STXBP5L: variants seen among roughly 807,000 people sequenced by gnomAD.
The protein encoded by STXBP5L is syntaxin-binding protein 5-like.
STXBP5L carries 65 observed loss-of-function variants against 144.5 expected under a neutral mutation model. That is an observed-to-expected ratio of 0.45 (90% confidence interval 0.37 to 0.55). The LOEUF is 0.55. Among genes scored for constraint, STXBP5L ranks in the 20% least tolerant of loss-of-function variants. The pLI is 0.00. For missense variants in STXBP5L, 1,298 were observed against 1,405.5 expected (o/e 0.92, Z 1.22); for synonymous variants, 505 against 469.6 (o/e 1.08, Z -0.97).
rs193075838 is a variant in STXBP5L at position 121,035,631 on chromosome 3, G to T, written c.288-6069G>T. 2.4e-3 allele frequency among the ~76,000 whole-genome samples: 360 copies of T among 152,120 alleles called. 1 individual carries two copies. Among genetic ancestry groups the T allele is most frequent in the Non-Finnish European group, 4.2e-3 (287 of 67,956 alleles). On this transcript the variant is annotated intron_variant, in intron 3 of 26. Transcript: ENST00000471454. ...TAGCTTTGTAGTGTAATGTGAGGCT[G>T]GGCAATGTTATGTCTTCAGCTTTGT...
chr3:121,313,742 C>CT (rs1205603568), intron 19 of STXBP5L, among the ~76,000 whole-genome samples: 1 of 130,500 alleles, frequency 7.7e-6, no homozygotes, highest in Non-Finnish European at 1.7e-5. Context: ...GGCTGACCCC[C>CT]CCCACCTCCC....
chr3:121,342,652 C>T (rs1346955243), intron 20 of STXBP5L, among the ~76,000 whole-genome samples: 1 of 151,742 alleles, frequency 6.6e-6, no homozygotes, highest in African/African-American at 2.4e-5. Context: ...CAATTTCATC[C>T]ATGTCCCTAC....
intron 9 of STXBP5L, among the ~76,000 whole-genome samples, chr3:121,196,311 G>T (rs1052107120): frequency 1.7e-3 from 250 of 150,896 alleles, no homozygotes; most frequent in African/African-American, 5.6e-3. Context: ...ATTTTTTTTT[G>T]TATTTTTAGT....
chr3:121,042,094 C>G (rs1947198149), intron 4 of STXBP5L, among the ~76,000 whole-genome samples: 1 of 152,022 alleles, frequency 6.6e-6, no homozygotes, highest in Non-Finnish European at 1.5e-5. Flanking sequence ...TTTCTATACA[C>G]TCACTTCCCA....
At chr3:121,358,349 G>C (rs574509104) in intron 20 of STXBP5L, among the ~76,000 whole-genome samples, 71 of 152,084 alleles carry the variant, frequency 4.7e-4, no homozygotes, top group Non-Finnish European at 8.2e-4. Flanking sequence ...GTAATTTATA[G>C]ATAAAATAAA....
intron 22 of STXBP5L, among the ~76,000 whole-genome samples, chr3:121,404,042 C>A (rs905230091): frequency 6.6e-6 from 1 of 152,074 alleles, no homozygotes; most frequent in Admixed American, 6.6e-5. Context: ...ATAGTCTGGA[C>A]CTCTCCACAA....
chr3:120,987,913 GAAACCAAC>G (rs2107932169), intron 3 of STXBP5L, among the ~76,000 whole-genome samples: 1 of 151,898 alleles, frequency 6.6e-6, no homozygotes, highest in African/African-American at 2.4e-5. Context: ...ATTCTCTGGT[GAAACCAAC>G]TGGGTCTGGA....
intron 2 of STXBP5L, among the ~76,000 whole-genome samples, chr3:120,943,946 T>G (rs1480131737): frequency 1.3e-5 from 2 of 151,508 alleles, no homozygotes; most frequent in African/African-American, 4.8e-5. Context: ...TTTAACATAT[T>G]GAAAGATGAG....
intron 3 of STXBP5L, among the ~76,000 whole-genome samples, chr3:120,962,608 A>C (rs1938986110): frequency 6.6e-6 from 1 of 152,024 alleles, no homozygotes; most frequent in Non-Finnish European, 1.5e-5. Flanking sequence ...ATTATTTCTG[A>C]GGGCTCTGTT....
chr3:121,071,693 AG>A (rs2041818539), intron 5 of STXBP5L, among the ~76,000 whole-genome samples: 1 of 152,236 alleles, frequency 6.6e-6, no homozygotes, highest in Non-Finnish European at 1.5e-5. Context: ...CCAGGTTGGA[AG>A]GGATGTACTG....
At chr3:121,037,596 G>T (rs1022239065) in intron 3 of STXBP5L, among the ~76,000 whole-genome samples, 2 of 151,990 alleles carry the variant, frequency 1.3e-5, no homozygotes, top group Non-Finnish European at 2.9e-5. Flanking sequence ...CTATATTCAT[G>T]AGAGATATTA....
chr3:121,242,081 C>A (rs936113281), intron 14 of STXBP5L, among the ~76,000 whole-genome samples: 3 of 152,120 alleles, frequency 2.0e-5, no homozygotes, highest in African/African-American at 7.2e-5. Context: ...AGATCAAAAT[C>A]TATCATTTCC....
At chr3:121,168,523 C>T (rs746057687) in intron 9 of STXBP5L, among the ~76,000 whole-genome samples, 3 of 152,074 alleles carry the variant, frequency 2.0e-5, no homozygotes, top group Non-Finnish European at 2.9e-5. Context: ...AAAAACACGA[C>T]ACGAGAACTT....
intron 19 of STXBP5L, among the ~76,000 whole-genome samples, chr3:121,309,101 A>C (rs879844755): frequency 2.0e-5 from 3 of 152,134 alleles, no homozygotes; most frequent in Non-Finnish European, 2.9e-5. Context: ...GGATCAAAAA[A>C]AAACATGAGA....
At chr3:121,272,484 C>T (rs2050760374) in intron 18 of STXBP5L, among the ~76,000 whole-genome samples, 1 of 152,112 alleles carries the variant, frequency 6.6e-6, no homozygotes, top group Non-Finnish European at 1.5e-5. Flanking sequence ...AATTCATGTT[C>T]ATCCCTTCAC....
intron 5 of STXBP5L, among the ~76,000 whole-genome samples, chr3:121,071,846 G>T (rs1012735667): frequency 6.6e-6 from 1 of 152,166 alleles, no homozygotes; most frequent in East Asian, 1.9e-4. Flanking sequence ...ATCATCAGGG[G>T]TGCTTGGCCA....
At chr3:121,083,783 A>C (rs753416054) in intron 5 of STXBP5L, among the ~76,000 whole-genome samples, 10 of 152,174 alleles carry the variant, frequency 6.6e-5, no homozygotes, top group Non-Finnish European at 1.3e-4. Context: ...CAATTTTCTT[A>C]GTAGCTACAG....
At chr3:121,212,248 G>A (rs544795389) in intron 10 of STXBP5L, among the ~76,000 whole-genome samples, 11 of 152,154 alleles carry the variant, frequency 7.2e-5, no homozygotes, top group Non-Finnish European at 1.5e-4. Context: ...TTTGCCTTTT[G>A]TTGCCATTGC....
intron 3 of STXBP5L, among the ~76,000 whole-genome samples, chr3:120,981,211 C>G (rs550702648): frequency 6.6e-6 from 1 of 152,202 alleles, no homozygotes; most frequent in African/African-American, 2.4e-5. Context: ...ATGTATCTTC[C>G]AGGAGTTTTC....
Sources: allele counts gnomAD v4.1 joint callset (sites outside exome capture counted in the v4.1 genomes callset), GRCh38; gene constraint gnomAD v4.1.1; transcripts MANE v1.5; gene names NCBI Gene and HGNC (gene_info 2026-07-23, HGNC 2026-07-21).